The following USP20 variants were observed in gnomAD, a reference collection of about 807,000 sequenced individuals.
USP20 encodes ubiquitin specific peptidase 20, also known as ubiquitin carboxyl-terminal hydrolase 20.
USP20 carries 80 observed loss-of-function variants against 124.2 expected under a neutral mutation model. The ratio of observed to expected loss-of-function variants is 0.64; its 90% CI spans 0.54 to 0.78. The LOEUF (loss-of-function observed/expected upper bound fraction) is 0.78, where lower values mean the gene tolerates loss of function less well. Ranked by LOEUF, USP20 falls within the 30% of genes least tolerant of loss-of-function variation. The probability of loss-of-function intolerance (pLI) is 0.00; values close to 1 mark genes in which losing one functional copy is unlikely to be tolerated. For missense variants in USP20, 1,043 were observed against 1,244.4 expected (o/e 0.84, Z 2.44); for synonymous variants, 481 against 512.3 (o/e 0.94, Z 0.83).
intron 1 of USP20, among the ~76,000 whole-genome samples, chr9:129,844,442 A>T (rs919141636): frequency 1.3e-5 from 2 of 151,974 alleles, no homozygotes; most frequent in East Asian, 3.9e-4. Flanking sequence ...CTTGGGCAAC[A>T]TGACGAAACC....
chr9:129,880,524 C>G lies in USP20; in HGVS notation c.*74C>G. 1.9e-6 allele frequency: 1 copy of G among 524,988 alleles called. No homozygotes were observed. The highest frequency in any genetic ancestry group is 3.4e-6 in the Non-Finnish European group (1 of 295,684). 32.5% of individuals were successfully genotyped at this position (524,988 alleles called of 1,614,324 possible). A position where few individuals can be genotyped will look rare whatever the true frequency, so the allele number is the denominator to read the frequency against. ...TGTGCCCAGAAGAGAGGCCGGGCTGCTGCAGAACCCCGCCGTGTAAAGAGG... is the reference window on the plus strand; with the variant it reads ...TGTGCCCAGAAGAGAGGCCGGGCTGGTGCAGAACCCCGCCGTGTAAAGAGG... On this transcript the variant is annotated 3_prime_UTR_variant, in exon 26 of 26. Transcript: ENST00000372429.
intron 4 of USP20, 121 bp downstream of exon 4, chr9:129,856,481 C>T: frequency 8.3e-7 from 1 of 1,207,754 alleles, no homozygotes; most frequent in Non-Finnish European, 1.2e-6. Flanking sequence ...TGGGCACTGC[C>T]AGAAACCTTG....
At chr9:129,878,979 C>T (rs764951210) in intron 23 of USP20, among the ~76,000 whole-genome samples, 17 of 152,366 alleles carry the variant, frequency 1.1e-4, no homozygotes, top group Non-Finnish European at 2.2e-4. Flanking sequence ...GTTCTGCTCA[C>T]GGGACCCTTG....
chr9:129,851,705 A>G (rs995179344), intron 2 of USP20, among the ~76,000 whole-genome samples: 2 of 152,160 alleles, frequency 1.3e-5, no homozygotes, highest in Non-Finnish European at 2.9e-5. Flanking sequence ...GTTGGGAAAG[A>G]TGTTTGCTAC....
intron 10 of USP20, among the ~76,000 whole-genome samples, chr9:129,866,643 C>A (rs574939894): frequency 2.0e-5 from 3 of 152,210 alleles, no homozygotes; most frequent in Middle Eastern, 6.3e-3. Flanking sequence ...ATCTGGGCTC[C>A]GGCAGAAGCA....
In USP20 at chr9:129,880,000, T is replaced by A; in HGVS notation, c.2585-113T>A. The A allele has an allele frequency of 7.6e-7, 1 of 1,309,366 alleles. No individual in the cohort carries two copies. Among genetic ancestry groups the A allele is most frequent in the Non-Finnish European group, 1.0e-6 (1 of 955,862 alleles). 81.1% of individuals were successfully genotyped at this position (1,309,366 alleles called of 1,614,324 possible). A position where few individuals can be genotyped will look rare whatever the true frequency, so the allele number is the denominator to read the frequency against. ...ATCTGACAGCTTTGCATAGAAGCCC[T>A]GGTTGCCGTCTTCCCGCTTCGGGGC... On this transcript the variant is annotated intron_variant, in intron 24 of 25. Coordinates refer to ENST00000372429, the MANE Select transcript of USP20 (RefSeq NM_001110303.4). This position sits in a 1 kb window ranked among gnomAD's most constrained non-coding sequence, Gnocchi z 4.2.
rs2033997025 is a variant in USP20, at chr9:129,869,313, A to C, written c.1280A>C (p.Gln427Pro). The C allele has an allele frequency of 6.2e-7, 1 of 1,613,202 alleles. No homozygotes were observed. The highest frequency in any genetic ancestry group is 8.5e-7 in the Non-Finnish European group (1 of 1,179,790). ...MAPSYVLKKAQVLSAGSRRRK... is the reference protein window; with the variant it reads ...MAPSYVLKKAPVLSAGSRRRK... ...TAGTCCTGTGCTGTGTCCCCAGCCCAGGTATTGAGTGCTGGCAGCCGGAGG... is the reference window on the plus strand; with the variant it reads ...TAGTCCTGTGCTGTGTCCCCAGCCCCGGTATTGAGTGCTGGCAGCCGGAGG... Residue 427 changes from glutamine to proline, a missense_variant, in exon 13 of 26, where the codon CAG becomes CCG. Transcript: ENST00000372429.
At chr9:129,847,915 G>A (rs1017932418) in intron 1 of USP20, among the ~76,000 whole-genome samples, 1 of 58,650 alleles carries the variant, frequency 1.7e-5, no homozygotes, top group African/African-American at 6.2e-5. Context: ...TTTTTTTTTT[G>A]CTCAGTTTAA....
Position 129,876,173 on chromosome 9 carries a change from A to G in USP20, c.2344A>G (p.Ile782Val). ...PAVNHLYVCS[I>V]CQVEIEALAK... Reference sequence around the variant, plus strand: ...CGTGAACCACCTGTACGTGTGCTCCATCTGCCAGGTGGAGATCGAGGCACT... The same window carrying G: ...CGTGAACCACCTGTACGTGTGCTCCGTCTGCCAGGTGGAGATCGAGGCACT... The change falls in exon 22 of 26, where the codon ATC becomes GTC. Residue 782 changes from isoleucine to valine, a missense_variant. By Grantham distance (29) the Ile-to-Val change is conservative. Transcript: ENST00000372429. The G allele has an allele frequency of 1.9e-6, 3 of 1,613,452 alleles. No homozygotes were observed. Among genetic ancestry groups the G allele is most frequent in the Middle Eastern group, 1.7e-4 (1 of 6,060 alleles).
chr9:129,858,082 C>T lies in USP20; in HGVS notation c.168C>T (p.Ser56=), dbSNP rs1237981906. The T allele has an allele frequency of 5.6e-6, 9 of 1,614,026 alleles. No homozygotes were observed. In the East Asian group the frequency reaches 1.8e-4, roughly 32 times the overall value. The change falls in exon 5 of 26, where the codon TCC becomes TCT. Residue 56 remains serine (S), a synonymous_variant. Transcript: ENST00000372429. ...GCCCCTATGTTGGCTGCGGAGAATC[C>T]TTTGCTGACCACAGCACCATTCATG... ...VACPYVGCGE[S]FADHSTIHAQ... is the part of the protein sequence containing the mutation.
intron 11 of USP20, 152 bp from the exon 12 acceptor site, chr9:129,868,710 G>A (rs2033956140): frequency 2.9e-6 from 4 of 1,373,918 alleles, no homozygotes; most frequent in South Asian, 3.1e-5. Flanking sequence ...GCTCCGGCCT[G>A]TGTGCTGGGG....
intron 15 of USP20, among the ~76,000 whole-genome samples, chr9:129,871,038 G>GT (rs1466011761): frequency 1.3e-5 from 2 of 151,702 alleles, no homozygotes; most frequent in Admixed American, 6.6e-5. Flanking sequence ...CATAACCATT[G>GT]TAAATGCTGT....
chr9:129,857,340 G>T (rs930996900), intron 4 of USP20, among the ~76,000 whole-genome samples: 1 of 152,222 alleles, frequency 6.6e-6, no homozygotes, highest in Non-Finnish European at 1.5e-5. Context: ...AAAATGGCAC[G>T]TGCTTTCTGA....
At position 129,874,921 on chromosome 9, in the gene USP20, G is replaced by A. The variant is rs1347786101; in HGVS notation, c.2014G>A (p.Val672Met). 6.2e-7 allele frequency: 1 copy of A among 1,614,072 alleles called. No individual in the cohort carries two copies. Among genetic ancestry groups the A allele is most frequent in the Non-Finnish European group, 8.5e-7 (1 of 1,180,026 alleles). ...QYVTEVHETV[V>M]QNAEGYVLFY... The stretch of plus-strand genomic sequence containing the variant: ...CGTCACAGAAGTCCACGAGACGGTG[G>A]TGCAGAACGCCGAGGGCTACGTACT... Residue 672 changes from valine (V) to methionine (M), a missense_variant, in exon 19 of 26, where the codon GTG (valine) becomes ATG (methionine). Val to Met is a conservative substitution (Grantham distance 21). Transcript: ENST00000372429.
intron 1 of USP20, among the ~76,000 whole-genome samples, chr9:129,840,582 T>G (rs2032144996): frequency 6.6e-6 from 1 of 152,178 alleles, no homozygotes; most frequent in Admixed American, 6.6e-5. Context: ...GATTCACGAA[T>G]TAGTAACATT....
chr9:129,876,520 T>C (rs1442983209), intron 22 of USP20, among the ~76,000 whole-genome samples: 1 of 151,800 alleles, frequency 6.6e-6, no homozygotes, highest in Non-Finnish European at 1.5e-5. Flanking sequence ...GTGCCTGTAA[T>C]CCCAGCTACT....
At chr9:129,846,241 A>ATT (rs1226898360) in intron 1 of USP20, among the ~76,000 whole-genome samples, 326 of 26,356 alleles carry the variant, frequency 0.012, 9 homozygotes, top group East Asian at 0.038. Flanking sequence ...ATATATATAT[A>ATT]TATATATTTT....
chr9:129,874,125 TC>T (rs1425475433), intron 17 of USP20, among the ~76,000 whole-genome samples: 3 of 151,734 alleles, frequency 2.0e-5, no homozygotes, highest in Non-Finnish European at 4.4e-5. Context: ...AGGAGTAACG[TC>T]TGAGTGGGGC....
intron 1 of USP20, among the ~76,000 whole-genome samples, chr9:129,843,497 A>C (rs1353668953): frequency 6.6e-6 from 1 of 152,046 alleles, no homozygotes; most frequent in Admixed American, 6.6e-5. Context: ...GCACTTGAGA[A>C]GCTGAGGCAG....
Sources: allele counts gnomAD v4.1 joint callset (sites outside exome capture counted in the v4.1 genomes callset), GRCh38; gene constraint gnomAD v4.1.1; non-coding constraint Gnocchi (gnomAD v3.1); transcripts MANE v1.5; gene names NCBI Gene and HGNC (gene_info 2026-07-23, HGNC 2026-07-21).